Variants in RALYL observed in about 807,000 individuals in gnomAD.
RALYL encodes the protein RNA-binding Raly-like protein.
A neutral mutation model predicts 35.1 loss-of-function variants in RALYL; 29 were observed. The observed-to-expected ratio is 0.83, with a 90% CI of 0.61 to 1.13. The LOEUF is 1.13. Among genes scored for constraint, RALYL ranks in the 50% most tolerant of loss-of-function variants. RALYL has a pLI of 0.00. For synonymous variants in RALYL, 120 were observed against 127.6 expected (o/e 0.94, Z 0.40); for missense variants, 359 against 360.4 (o/e 1.00, Z 0.03).
chr8:84,479,160 C>T (rs1369477224), intron 1 of RALYL, among the ~76,000 whole-genome samples: 1 of 140,818 alleles, frequency 7.1e-6, no homozygotes, highest in Non-Finnish European at 1.5e-5. Context: ...TTAGGATTCT[C>T]CTTTAATCTC....
At chr8:84,347,521 G>T (rs572845387) in intron 1 of RALYL, among the ~76,000 whole-genome samples, 2 of 152,018 alleles carry the variant, frequency 1.3e-5, no homozygotes, top group African/African-American at 4.8e-5. Flanking sequence ...CCTCTCTAAG[G>T]TTAATATCCT....
intron 1 of RALYL, among the ~76,000 whole-genome samples, chr8:84,515,970 G>T (rs759641620): frequency 1.6e-5 from 2 of 125,106 alleles, no homozygotes; most frequent in African/African-American, 3.0e-5. Context: ...ATGATAAAAA[G>T]AATATATTCC....
In RALYL at chr8:84,670,524, A is replaced by G. The variant is rs184125508; in HGVS notation, c.257-104055A>G. 2.0e-3 allele frequency among the ~76,000 whole-genome samples: 311 copies of G among 152,362 alleles called. 1 individual carries two copies. Among genetic ancestry groups the G allele is most frequent in the African/African-American group, 7.3e-3 (302 of 41,588 alleles). On this transcript the variant is annotated intron_variant, in intron 2 of 8. Coordinates refer to ENST00000521268, the MANE Select transcript of RALYL (RefSeq NM_173848.7). ...AGAAATACCCAAGGCTGTGTAATTT[A>G]TAAAGAAAAAGAGGTTTAATGGACT...
At chr8:84,268,942 A>G (rs1833814159) in intron 1 of RALYL, among the ~76,000 whole-genome samples, 1 of 152,208 alleles carries the variant, frequency 6.6e-6, no homozygotes. Flanking sequence ...CAGTCAAATT[A>G]AGGGTATTTT....
intron 4 of RALYL, among the ~76,000 whole-genome samples, chr8:84,813,426 C>T (rs1826373916): frequency 2.0e-5 from 3 of 152,326 alleles, no homozygotes; most frequent in Admixed American, 1.3e-4. Flanking sequence ...CAGTCTAGTC[C>T]TGCCTCCCAT....
chr8:84,477,209 T>A (rs2053528151), intron 1 of RALYL, among the ~76,000 whole-genome samples: 1 of 152,080 alleles, frequency 6.6e-6, no homozygotes, highest in Non-Finnish European at 1.5e-5. Flanking sequence ...TTGACTTAAC[T>A]AGCAGATAGC....
intron 2 of RALYL, among the ~76,000 whole-genome samples, chr8:84,555,505 C>A (rs186933760): frequency 2.6e-5 from 4 of 152,258 alleles, no homozygotes; most frequent in African/African-American, 9.6e-5. Flanking sequence ...CTGTTTCATG[C>A]CACAGACTCA....
chr8:84,366,200 C>T (rs1397163010), intron 1 of RALYL, among the ~76,000 whole-genome samples: 1 of 152,054 alleles, frequency 6.6e-6, no homozygotes, highest in Admixed American at 6.6e-5. Flanking sequence ...GATGATCTCC[C>T]AAAATTGGAA....
intron 3 of RALYL, among the ~76,000 whole-genome samples, chr8:84,782,636 A>G (rs1046181612): frequency 2.6e-5 from 4 of 152,196 alleles, no homozygotes; most frequent in Admixed American, 2.0e-4. Context: ...CAGGACTCAC[A>G]TTATGATCTT....
chr8:84,465,437 AG>A (rs1300953889), intron 1 of RALYL, among the ~76,000 whole-genome samples: 1 of 77,228 alleles, frequency 1.3e-5, no homozygotes, highest in African/African-American at 5.3e-5. Context: ...GGTTTGTCAA[AG>A]ATCAGATAGT....
At chr8:84,302,334 A>G (rs985269563) in intron 1 of RALYL, among the ~76,000 whole-genome samples, 4 of 152,132 alleles carry the variant, frequency 2.6e-5, no homozygotes, top group Admixed American at 2.6e-4. Flanking sequence ...TCTTTTCTCT[A>G]GATCTTAAGA....
At chr8:84,555,461 G>A (rs777587724) in intron 2 of RALYL, among the ~76,000 whole-genome samples, 1 of 151,992 alleles carries the variant, frequency 6.6e-6, no homozygotes, top group Non-Finnish European at 1.5e-5. Context: ...GTTCATTCTT[G>A]GGCTCTTCAT....
At chr8:84,431,706 A>G (rs2047166035) in intron 1 of RALYL, among the ~76,000 whole-genome samples, 1 of 152,146 alleles carries the variant, frequency 6.6e-6, no homozygotes, top group Non-Finnish European at 1.5e-5. Flanking sequence ...AGGTTCATTC[A>G]TGGTGAGGCA....
At chr8:84,765,338 G>A (rs1813660755) in intron 2 of RALYL, among the ~76,000 whole-genome samples, 1 of 152,184 alleles carries the variant, frequency 6.6e-6, no homozygotes, top group African/African-American at 2.4e-5. Flanking sequence ...TTAGGAGTCT[G>A]GTGCAGCTGC....
chr8:84,243,850 A>G (rs1030069972), intron 1 of RALYL, among the ~76,000 whole-genome samples: 1 of 152,134 alleles, frequency 6.6e-6, no homozygotes, highest in Non-Finnish European at 1.5e-5. Flanking sequence ...ATCTTGCACT[A>G]TAAGTTAGGA....
chr8:84,439,725 G>A (rs1460487754), intron 1 of RALYL, among the ~76,000 whole-genome samples: 1 of 152,000 alleles, frequency 6.6e-6, no homozygotes, highest in Non-Finnish European at 1.5e-5. Flanking sequence ...TTAAAACACA[G>A]TTCAGTATGC....
At chr8:84,804,883 T>C (rs1312823736) in intron 4 of RALYL, 81 bp downstream of exon 4, 21 of 725,858 alleles carry the variant, frequency 2.9e-5, no homozygotes, top group East Asian at 5.3e-5. Flanking sequence ...TTTTCAGTCA[T>C]TTAACATCAT....
chr8:84,766,741 A>C (rs1044902563), intron 2 of RALYL, among the ~76,000 whole-genome samples: 4 of 149,084 alleles, frequency 2.7e-5, no homozygotes, highest in African/African-American at 7.3e-5. Context: ...AAAAAAAAAA[A>C]AAAAAAACTC....
intron 7 of RALYL, among the ~76,000 whole-genome samples, chr8:84,884,626 A>C (rs2135395978): frequency 6.6e-6 from 1 of 152,208 alleles, no homozygotes. Flanking sequence ...TGGAATCATT[A>C]GAGAAGAAAT....
Sources: allele counts gnomAD v4.1 joint callset (sites outside exome capture counted in the v4.1 genomes callset), GRCh38; gene constraint gnomAD v4.1.1; transcripts MANE v1.5; gene names NCBI Gene and HGNC (gene_info 2026-07-23, HGNC 2026-07-21).